The following HECW1 variants were observed in gnomAD, a reference collection of about 807,000 sequenced individuals.
The protein encoded by HECW1 is E3 ubiquitin-protein ligase HECW1.
A neutral mutation model predicts 182.3 loss-of-function variants in HECW1; 61 were observed. The observed-to-expected ratio is 0.33, with a 90% confidence interval of 0.27 to 0.41. The LOEUF (loss-of-function observed/expected upper bound fraction) is 0.41. Ranked by LOEUF, HECW1 falls within the 10% of genes least tolerant of loss-of-function variation. The pLI is 1.00. For missense variants in HECW1, 1,739 were observed against 2,108.9 expected (o/e 0.82, Z 3.44); for synonymous variants, 859 against 832.6 (o/e 1.03, Z -0.55).
intron 5 of HECW1, among the ~76,000 whole-genome samples, chr7:43,343,995 C>T (rs1004708826): frequency 1.6e-4 from 24 of 151,854 alleles, no homozygotes; most frequent in Non-Finnish European, 2.9e-4. Context: ...ATTTGCATTT[C>T]TCTGATGACC....
intron 2 of HECW1, among the ~76,000 whole-genome samples, chr7:43,152,550 C>G (rs567613168): frequency 6.6e-6 from 1 of 152,170 alleles, no homozygotes; most frequent in Non-Finnish European, 1.5e-5. Context: ...TGAGCTCTCT[C>G]TTATAAGGGT....
chr7:43,355,303 G>A (rs572831946), intron 5 of HECW1, among the ~76,000 whole-genome samples: 1 of 152,198 alleles, frequency 6.6e-6, no homozygotes, highest in Non-Finnish European at 1.5e-5. Context: ...CTGTAATTGT[G>A]GTGTGCAATC....
At chr7:43,123,569 A>G (rs1785862299) in intron 2 of HECW1, among the ~76,000 whole-genome samples, 1 of 152,198 alleles carries the variant, frequency 6.6e-6, no homozygotes, top group South Asian at 2.1e-4. Flanking sequence ...GTCCTTGCCC[A>G]TCTGCAGTCT....
intron 2 of HECW1, among the ~76,000 whole-genome samples, chr7:43,142,252 G>A (rs1019548071): frequency 1.3e-5 from 2 of 152,104 alleles, no homozygotes; most frequent in African/African-American, 2.4e-5. Context: ...CCATGGAATC[G>A]GGCCCCTGGG....
chr7:43,195,271 T>G (rs1794340331), intron 2 of HECW1, among the ~76,000 whole-genome samples: 1 of 152,238 alleles, frequency 6.6e-6, no homozygotes, highest in Non-Finnish European at 1.5e-5. Context: ...GAATATAAAC[T>G]TCGCAAAGCT....
chr7:43,152,196 T>G (rs1431133732), intron 2 of HECW1, among the ~76,000 whole-genome samples: 2 of 44,994 alleles, frequency 4.4e-5, no homozygotes, highest in Admixed American at 1.8e-4. Context: ...TAATGCATAA[T>G]TTCTGGGAAA....
At chr7:43,455,020 C>G (rs2077353947) in intron 12 of HECW1, among the ~76,000 whole-genome samples, 1 of 152,230 alleles carries the variant, frequency 6.6e-6, no homozygotes, top group African/African-American at 2.4e-5. Flanking sequence ...CTATGTTTCG[C>G]TCAGACGTGA....
intron 3 of HECW1, among the ~76,000 whole-genome samples, chr7:43,297,211 A>C (rs1036804651): frequency 1.6e-4 from 25 of 152,188 alleles, no homozygotes; most frequent in Admixed American, 9.8e-4. Flanking sequence ...ATAGATATTC[A>C]ATGGATGTTT....
At chr7:43,127,517 C>T (rs1786394411) in intron 2 of HECW1, among the ~76,000 whole-genome samples, 1 of 123,022 alleles carries the variant, frequency 8.1e-6, no homozygotes, top group African/African-American at 3.3e-5. Context: ...GAGTGAAACT[C>T]CATCTCAAAA....
intron 19 of HECW1, among the ~76,000 whole-genome samples, chr7:43,499,103 A>T (rs2152923028): frequency 6.6e-6 from 1 of 152,120 alleles, no homozygotes; most frequent in South Asian, 2.1e-4. Context: ...CAACATGGTG[A>T]AACCCTGTCT....
At chr7:43,499,700 A>G (rs1375427852) in intron 19 of HECW1, among the ~76,000 whole-genome samples, 2 of 152,220 alleles carry the variant, frequency 1.3e-5, no homozygotes, top group African/African-American at 4.8e-5. Context: ...TCTCTTCAAA[A>G]AAGGCAAAAA....
At chr7:43,285,629 G>T (rs897408974) in intron 3 of HECW1, among the ~76,000 whole-genome samples, 2 of 152,124 alleles carry the variant, frequency 1.3e-5, no homozygotes, top group Middle Eastern at 6.8e-3. Context: ...GGGCAACATG[G>T]CAAGACCCCA....
chr7:43,300,706 G>C (rs1806643940), intron 3 of HECW1, among the ~76,000 whole-genome samples: 1 of 152,166 alleles, frequency 6.6e-6, no homozygotes, highest in Admixed American at 6.5e-5. Flanking sequence ...AAGTGCTGCT[G>C]CTGCTGGTTC....
chr7:43,180,645 T>C (rs1397634074), intron 2 of HECW1, among the ~76,000 whole-genome samples: 1 of 152,248 alleles, frequency 6.6e-6, no homozygotes, highest in Non-Finnish European at 1.5e-5. Context: ...TCCACCCGCC[T>C]TGGCCTCCCA....
intron 16 of HECW1, among the ~76,000 whole-genome samples, chr7:43,472,937 A>G (rs547400991): frequency 5.9e-5 from 9 of 152,292 alleles, no homozygotes; most frequent in African/African-American, 2.2e-4. Flanking sequence ...TTACAGTTTG[A>G]TAGTTTGGAT....
chr7:43,305,381 T>C (rs993898129), intron 3 of HECW1, among the ~76,000 whole-genome samples: 1 of 129,922 alleles, frequency 7.7e-6, no homozygotes, highest in African/African-American at 3.6e-5. Flanking sequence ...CAGAGAAGTA[T>C]CTGAATCTCA....
rs532158081 is a variant in HECW1 at position 43,345,839 on chromosome 7, A to G, written c.461-15047A>G. Among the ~76,000 whole-genome samples the G allele has an allele frequency of 1.5e-3, 211 of 142,312 alleles. 1 individual carries two copies. Among genetic ancestry groups the G allele is most frequent in the African/African-American group, 5.3e-3 (206 of 38,944 alleles). 93.4% of individuals were successfully genotyped at this position (142,312 alleles called of 152,430 possible). Reference sequence around the variant, plus strand: ...ACACACACACACACATCATATATATATACACACACATCATATATATATATA... The same window carrying G: ...ACACACACACACACATCATATATATGTACACACACATCATATATATATATA... On this transcript the variant is annotated intron_variant, in intron 5 of 29. Transcript: ENST00000395891.
intron 24 of HECW1, among the ~76,000 whole-genome samples, chr7:43,519,004 A>C (rs1003162016): frequency 6.6e-6 from 1 of 152,214 alleles, no homozygotes; most frequent in African/African-American, 2.4e-5. Context: ...TTAGCCCATA[A>C]AGTTATCTCA....
chr7:43,455,762 G>A (rs554003126), intron 12 of HECW1, among the ~76,000 whole-genome samples: 1 of 151,482 alleles, frequency 6.6e-6, no homozygotes, highest in East Asian at 1.9e-4. Flanking sequence ...AGGCTGAGGT[G>A]GGAAGATCAC....
Sources: allele counts gnomAD v4.1 joint callset (sites outside exome capture counted in the v4.1 genomes callset), GRCh38; gene constraint gnomAD v4.1.1; transcripts MANE v1.5; gene names NCBI Gene and HGNC (gene_info 2026-07-23, HGNC 2026-07-21).